The following DISP3 variants were observed in gnomAD, a reference collection of about 807,000 sequenced individuals.
The protein encoded by DISP3 is protein dispatched homolog 3.
Under a neutral mutation model 135.3 loss-of-function variants are expected in DISP3, and 101 were observed. That is an observed-to-expected ratio of 0.75 (90% confidence interval 0.64 to 0.88). DISP3 has a LOEUF of 0.88. Ranked by LOEUF, DISP3 falls within the 40% of genes least tolerant of loss-of-function variation. The probability of loss-of-function intolerance (pLI) is 0.00; values close to 1 mark genes in which losing one functional copy is unlikely to be tolerated. For synonymous variants in DISP3, 856 were observed against 817.0 expected, an observed-to-expected ratio of 1.05 and a Z score of -0.81; for missense variants, 1,713 against 1,878.6, an observed-to-expected ratio of 0.91 and a Z score of 1.63.
Position 11,536,262 on chromosome 1 carries a change from C to CA in DISP3, c.3817-61dup. ...CGTGGGGTGGGGGTGCGTGATTCCC[C>CA]AGGTGCTGGCCAGAGGGGTCCCGCA... On this transcript the variant is annotated intron_variant, in intron 20 of 20. Transcript: ENST00000294484. The surrounding 1 kb of genome is among the most constrained non-coding windows in gnomAD (Gnocchi z 4.3). 3 of 1,540,638 alleles carry CA rather than the reference C, an allele frequency of 1.9e-6. No homozygotes were observed. Among genetic ancestry groups the CA allele is most frequent in the African/African-American group, 2.7e-5 (2 of 73,566 alleles).
rs1488254392 is a variant in DISP3, at chr1:11,502,104, G to A, written c.1096+16G>A. 1 of 1,537,060 alleles carries A rather than the reference G, an allele frequency of 6.5e-7. No individual in the cohort carries two copies. The highest frequency in any genetic ancestry group is 2.3e-5 in the East Asian group (1 of 44,206). ...GACATCCGGGGTGAGCCGCCGGGAT[G>A]CTGGGAGGGGGCGTAGGTCCAGGTT... is the stretch of plus-strand genomic sequence containing the variant. On this transcript the variant is annotated intron_variant, in intron 2 of 20. Transcript: ENST00000294484.
Position 11,519,636 on chromosome 1 carries a change from G to A in DISP3, c.2039-83G>A. The A allele has an allele frequency of 6.4e-7, 1 of 1,571,976 alleles. No homozygotes were observed. Among genetic ancestry groups the A allele is most frequent in the South Asian group, 1.2e-5 (1 of 86,474 alleles). The stretch of plus-strand genomic sequence containing the variant: ...GATGGCCTGTGGGCTTCCTCACCAG[G>A]CATCTGGGCTTCCCTGGAAGCGAGC... On this transcript the variant is annotated intron_variant, in intron 8 of 20. Transcript: ENST00000294484. This position sits in a 1 kb window ranked among gnomAD's most constrained non-coding sequence, Gnocchi z 4.3.
At position 11,526,666 on chromosome 1, in the gene DISP3, T is replaced by G; in HGVS notation, c.2629T>G (p.Phe877Val). Reference protein sequence around the residue: ...VPSFQVYRAPFGNFTKKLTAC... With the variant: ...VPSFQVYRAPVGNFTKKLTAC... ...CACTGCTTAGGTGTATAGAGCGCCT[T>G]TTGGTAACTTCACCAAGAAGCTGAC... is the stretch of plus-strand genomic sequence containing the variant. Residue 877 changes from phenylalanine (F) to valine (V), a missense_variant, in exon 13 of 21, where the codon TTT becomes GTT. Coordinates refer to ENST00000294484, the MANE Select transcript of DISP3 (RefSeq NM_020780.2). The G allele has an allele frequency of 6.2e-7, 1 of 1,614,034 alleles. No homozygotes were observed. Among genetic ancestry groups the G allele is most frequent in the Non-Finnish European group, 8.5e-7 (1 of 1,179,914 alleles).
rs1265617577 is a variant in DISP3 at position 11,529,316 on chromosome 1, G to A, written c.2799-240G>A. Among the ~76,000 whole-genome samples the A allele has an allele frequency of 1.3e-5, 2 of 152,096 alleles. No individual in the cohort carries two copies. Among genetic ancestry groups the A allele is most frequent in the East Asian group, 3.9e-4 (2 of 5,178 alleles). The stretch of plus-strand genomic sequence containing the variant: ...GGAGACTGAGACCCAGAGGGGCAGG[G>A]CCTTTACTAGGTTCCCATAGTCAGC... On this transcript the variant is annotated intron_variant, in intron 13 of 20. Coordinates refer to ENST00000294484, the MANE Select transcript of DISP3 (RefSeq NM_020780.2). This position sits in a 1 kb window ranked among gnomAD's most constrained non-coding sequence, Gnocchi z 4.7.
At chr1:11,498,216 G>T (rs1641396516) in intron 1 of DISP3, among the ~76,000 whole-genome samples, 1 of 152,230 alleles carries the variant, frequency 6.6e-6, no homozygotes, top group Admixed American at 6.5e-5. Flanking sequence ...CATTCCGCGG[G>T]TCAGGACAGG....
chr1:11,533,235 G>A (rs1216509074), intron 17 of DISP3, among the ~76,000 whole-genome samples: 1 of 142,662 alleles, frequency 7.0e-6, no homozygotes, highest in African/African-American at 2.6e-5. Flanking sequence ...TATGGTGTTT[G>A]TCCTTTGGTG....
At chr1:11,525,021 G>A (rs914555455) in intron 11 of DISP3, among the ~76,000 whole-genome samples, 155 bp from the exon 12 acceptor site, 4 of 151,054 alleles carry the variant, frequency 2.6e-5, no homozygotes, top group African/African-American at 9.8e-5. Context: ...CCATGGACCT[G>A]GTCCAGTAGA....
intron 1 of DISP3, among the ~76,000 whole-genome samples, chr1:11,479,861 G>A (rs1190598764): frequency 6.6e-6 from 1 of 152,164 alleles, no homozygotes; most frequent in Admixed American, 6.5e-5. Context: ...TCGTGCTCTC[G>A]GAGGGACATT....
At chr1:11,494,094 G>C (rs549909125) in intron 1 of DISP3, among the ~76,000 whole-genome samples, 1 of 152,346 alleles carries the variant, frequency 6.6e-6, no homozygotes, top group East Asian at 1.9e-4. Flanking sequence ...AGGATCAATA[G>C]ACCTGGGGTT....
In DISP3 at chr1:11,483,071, G is replaced by A. The variant is rs917349737; in HGVS notation, c.-4+3699G>A. On this transcript the variant is annotated intron_variant, in intron 1 of 20. Transcript: ENST00000294484. This position sits in a 1 kb window ranked among gnomAD's most constrained non-coding sequence, Gnocchi z 5.4. ...ACGCTGCAGCTGCCCAACAAAGGCC[G>A]GAGGCATGGATGCTGCGGGACCAGT... 3.3e-5 allele frequency among the ~76,000 whole-genome samples: 5 copies of A among 152,242 alleles called. No homozygotes were observed. Among genetic ancestry groups the A allele is most frequent in the Admixed American group, 1.3e-4 (2 of 15,286 alleles).
intron 1 of DISP3, among the ~76,000 whole-genome samples, chr1:11,485,553 C>A (rs1641015857): frequency 1.3e-5 from 2 of 152,042 alleles, no homozygotes; most frequent in Non-Finnish European, 2.9e-5. Flanking sequence ...AATTGGTGTT[C>A]CTGGGAGGTT....
At chr1:11,521,398 G>A (rs1280592757) in intron 10 of DISP3, among the ~76,000 whole-genome samples, 2 of 134,352 alleles carry the variant, frequency 1.5e-5, no homozygotes, top group East Asian at 4.6e-4. Context: ...GGGTTAGCCA[G>A]GCTGGGAGGG....
At chr1:11,525,122 G>A in intron 11 of DISP3, 54 bp from the exon 12 acceptor site, 1 of 1,601,662 alleles carries the variant, frequency 6.2e-7, no homozygotes, top group Non-Finnish European at 8.5e-7. Context: ...CCAGGGTCAG[G>A]AGAAGCCAGT....
rs770887015 is a variant in DISP3, at chr1:11,501,056, GAA to G, written c.65_66del (p.Glu22GlyfsTer4). 6.2e-7 allele frequency: 1 copy of G among 1,614,176 alleles called. No homozygotes were observed. Among genetic ancestry groups the G allele is most frequent in the South Asian group, 1.1e-5 (1 of 91,084 alleles). ...VWLEEEQEEEEATGETFLGAQ... is the reference protein window; with the variant it reads ...VWLEEEQEEEXATGETFLGAQ... ...GCTAGAGGAGGAGCAGGAGGAGGAA[GAA>G]GCAACGGGTGAAACCTTTTTAGGGG... is the stretch of plus-strand genomic sequence containing the variant. On this transcript the variant is annotated frameshift_variant, in exon 2 of 21. Transcript: ENST00000294484. LOFTEE classifies it high-confidence loss of function. The surrounding 1 kb of genome is among the most constrained non-coding windows in gnomAD (Gnocchi z 4.9).
In DISP3 at chr1:11,536,612, C is replaced by T. The variant is rs1023308298; in HGVS notation, c.4105C>T (p.Leu1369=). ...GGGTGCCGTGCTGCTGGCAGGGGCC[C>T]TGGGGCTGGGTGCCTGCCTCGTGCT... ...ALGAVLLAGA[L]GLGACLVLLQ... The change falls in exon 21 of 21, where the codon CTG becomes TTG. Residue 1369 remains leucine, a synonymous_variant. Transcript: ENST00000294484. The surrounding 1 kb of genome is among the most constrained non-coding windows in gnomAD (Gnocchi z 4.3). The T allele has an allele frequency of 1.2e-5, 19 of 1,609,408 alleles. No homozygotes were observed. The highest frequency in any genetic ancestry group is 3.3e-5 in the South Asian group (3 of 90,654).
rs568990666 is a variant in DISP3, at chr1:11,525,422, A to G, written c.2613+110A>G. ...CAATAGGGAGGGAGAAGCAGCTTTG[A>G]GGATGAAGACCCCCCTCCCCTAAAC... On this transcript the variant is annotated intron_variant, in intron 12 of 20. Coordinates refer to ENST00000294484, the MANE Select transcript of DISP3 (RefSeq NM_020780.2). 12 of 1,320,292 alleles carry G rather than the reference A, an allele frequency of 9.1e-6. No individual in the cohort carries two copies. The South Asian group carries it at 1.9e-4, about 20-fold the overall frequency. The allele number at this position is 1,320,292 out of a possible 1,614,324, so 81.8% of individuals were successfully genotyped here. A position where few individuals can be genotyped will look rare whatever the true frequency, so the allele number is the denominator to read the frequency against.
At chr1:11,507,747 T>C (rs1641748109) in intron 3 of DISP3, among the ~76,000 whole-genome samples, 2 of 152,228 alleles carry the variant, frequency 1.3e-5, no homozygotes, top group African/African-American at 4.8e-5. Flanking sequence ...TTAGCAGACA[T>C]TTTAGTAGTT....
In DISP3 at chr1:11,515,468, T is replaced by A; in HGVS notation, c.1553T>A (p.Leu518Gln). ...VVFGIQYLGILNGVAAFVIVG... is the reference protein window; with the variant it reads ...VVFGIQYLGIQNGVAAFVIVG... ...TTTGGTATCCAGTACTTGGGCATCC[T>A]GAATGGGGTGGCCGCCTTCGTGATC... Residue 518 changes from leucine (L) to glutamine (Q), a missense_variant, in exon 5 of 21, where the codon CTG (leucine) becomes CAG (glutamine). Transcript: ENST00000294484. The A allele has an allele frequency of 6.2e-7, 1 of 1,612,472 alleles. No individual in the cohort carries two copies. Among genetic ancestry groups the A allele is most frequent in the Non-Finnish European group, 8.5e-7 (1 of 1,179,232 alleles).
At chr1:11,484,070 G>A (rs1010048488) in intron 1 of DISP3, among the ~76,000 whole-genome samples, 1 of 152,236 alleles carries the variant, frequency 6.6e-6, no homozygotes, top group Admixed American at 6.5e-5. Context: ...CCTTCCAAGT[G>A]CAGAGGTGAA....
Sources: allele counts gnomAD v4.1 joint callset (sites outside exome capture counted in the v4.1 genomes callset), GRCh38; gene constraint gnomAD v4.1.1; non-coding constraint Gnocchi (gnomAD v3.1); transcripts MANE v1.5; gene names NCBI Gene and HGNC (gene_info 2026-07-23, HGNC 2026-07-21).